The following LARP1B variants were observed in gnomAD, a reference collection of about 807,000 sequenced individuals.
LARP1B encodes la-related protein 1B.
A neutral mutation model predicts 114.2 loss-of-function variants in LARP1B; 76 were observed. The ratio of observed to expected loss-of-function variants is 0.67; its 90% confidence interval spans 0.55 to 0.81. The LOEUF (loss-of-function observed/expected upper bound fraction) is 0.81, where lower values mean the gene tolerates loss of function less well. Among genes scored for constraint, LARP1B ranks in the 30% least tolerant of loss-of-function variants. LARP1B has a pLI of 0.00. For synonymous variants in LARP1B, 345 were observed against 348.0 expected (o/e 0.99, Z 0.10); for missense variants, 1,014 against 1,075.8 (o/e 0.94, Z 0.80).
intron 10 of LARP1B, among the ~76,000 whole-genome samples, chr4:128,118,082 A>AT (rs34699544): frequency 0.037 from 2,803 of 76,766 alleles, 317 homozygotes; most frequent in African/African-American, 0.14. Context: ...GGCCCGGCTA[A>AT]TTTTTTTTTT....
chr4:128,171,717 T>A (rs1196536747), intron 12 of LARP1B, among the ~76,000 whole-genome samples: 2 of 152,202 alleles, frequency 1.3e-5, no homozygotes, highest in Non-Finnish European at 1.5e-5. Flanking sequence ...GTTTTCTTTC[T>A]TCTGAGAATG....
At position 128,162,305 on chromosome 4, in the gene LARP1B, C is replaced by T. The variant is rs768319419; in HGVS notation, c.1636C>T (p.Gln546Ter). The stretch of plus-strand genomic sequence containing the variant: ...CCAAGAAGTTCCTGTAGCACCTTCA[C>T]AGTCCAGGCAAGGTATGTAAATCTG... ...PNQEVPVAPS[Q>*]SRQGGVQGVL... Residue 546 changes from glutamine to a stop codon, truncating the protein, a stop_gained, in exon 12 of 20, where the codon CAG becomes TAG. Transcript: ENST00000326639. LOFTEE classifies it high-confidence loss of function. The T allele has an allele frequency of 1.4e-4, 226 of 1,612,618 alleles. No individual in the cohort carries two copies. The highest frequency in any genetic ancestry group is 1.8e-4 in the Non-Finnish European group (214 of 1,179,136).
chr4:128,170,872 C>CTTTTTTTT (rs70966085), intron 12 of LARP1B, among the ~76,000 whole-genome samples: 1 of 95,016 alleles, frequency 1.1e-5, no homozygotes, highest in African/African-American at 4.0e-5. Flanking sequence ...TTTTTCTTTT[C>CTTTTTTTT]TTTTTTTTTT....
intron 15 of LARP1B, among the ~76,000 whole-genome samples, chr4:128,186,963 C>T (rs1422831520): frequency 2.0e-5 from 3 of 152,176 alleles, no homozygotes; most frequent in African/African-American, 7.2e-5. Context: ...TGGTAGTAAG[C>T]CTGCAGGTGG....
At chr4:128,080,094 C>T (rs1479336600) in intron 4 of LARP1B, among the ~76,000 whole-genome samples, 1 of 151,180 alleles carries the variant, frequency 6.6e-6, no homozygotes, top group Non-Finnish European at 1.5e-5. Context: ...AAGCGATTCT[C>T]CTGCCTCAGC....
At position 128,098,265 on chromosome 4, in the gene LARP1B, A is replaced by T. The variant is rs146471609; in HGVS notation, c.748A>T (p.Ile250Phe). The change falls in exon 8 of 20, where the codon ATT becomes TTT. Residue 250 changes from isoleucine to phenylalanine, a missense_variant. Coordinates refer to ENST00000326639, the MANE Select transcript of LARP1B (RefSeq NM_018078.4). ...GKMDEQGFLP[I>F]SLIAGFQRVQ... ...GATGGATGAACAAGGTTTCTTGCCT[A>T]TTTCCCTGATTGCTGGTTTTCAGCG... 1.2e-6 allele frequency: 2 copies of T among 1,613,734 alleles called. No individual in the cohort carries two copies. Among genetic ancestry groups the T allele is most frequent in the Non-Finnish European group, 1.7e-6 (2 of 1,179,812 alleles).
At chr4:128,084,198 T>C (rs1270473610) in intron 5 of LARP1B, among the ~76,000 whole-genome samples, 1 of 150,650 alleles carries the variant, frequency 6.6e-6, no homozygotes. Flanking sequence ...CAGGCAGAGA[T>C]GCTCCTCACT....
intron 11 of LARP1B, among the ~76,000 whole-genome samples, chr4:128,126,045 A>G (rs1789481261): frequency 6.6e-6 from 1 of 152,204 alleles, no homozygotes. Flanking sequence ...TAATCTAACA[A>G]GAAAGTGAGA....
intron 1 of LARP1B, among the ~76,000 whole-genome samples, chr4:128,062,573 A>G (rs1472559687): frequency 7.3e-6 from 1 of 137,186 alleles, no homozygotes; most frequent in Non-Finnish European, 1.5e-5. Flanking sequence ...AGTGCTTCGT[A>G]TGGGAAAGTT....
intron 16 of LARP1B, among the ~76,000 whole-genome samples, chr4:128,200,178 G>A (rs74693058): frequency 0.018 from 2,670 of 152,318 alleles, 64 homozygotes; most frequent in East Asian, 0.1. Flanking sequence ...GTTAGCATTT[G>A]TCAGCTGTTT....
chr4:128,144,925 G>A (rs1240815177), intron 11 of LARP1B, among the ~76,000 whole-genome samples: 2 of 152,126 alleles, frequency 1.3e-5, no homozygotes, highest in African/African-American at 4.8e-5. Context: ...GAGAGATCTT[G>A]TGATAACATT....
intron 15 of LARP1B, among the ~76,000 whole-genome samples, chr4:128,194,524 TAC>T (rs1753387948): frequency 6.6e-6 from 1 of 151,174 alleles, no homozygotes; most frequent in Admixed American, 6.6e-5. Flanking sequence ...CTGCTAAAAA[TAC>T]ACAAAAATTA....
chr4:128,127,592 G>C (rs888224714), intron 11 of LARP1B, among the ~76,000 whole-genome samples: 1 of 152,174 alleles, frequency 6.6e-6, no homozygotes, highest in South Asian at 2.1e-4. Flanking sequence ...CCAGCACTTC[G>C]GGAGGCCGAG....
In LARP1B at chr4:128,108,008, G is replaced by A. The variant is rs1580483346; in HGVS notation, c.988+695G>A. The A allele has an allele frequency of 3.3e-6, 5 of 1,526,102 alleles. No individual in the cohort carries two copies. In the East Asian group the frequency reaches 1.2e-4, roughly 37 times the overall value. The allele number at this position is 1,526,102 out of a possible 1,614,324, so 94.5% of individuals were successfully genotyped here. On this transcript the variant is annotated intron_variant, in intron 9 of 19. Transcript: ENST00000326639. ...CCTGCTGCAAAAATGAAAGCGATCA[G>A]ACTGTCTTCTGTTCAAGAATGTCTA...
rs145225994 is a variant in LARP1B at position 128,087,853 on chromosome 4, C to CAT, written c.359-3135_359-3134dup. ...ATGATCATACATGTGTGGGGGGGAG[C>CAT]ATATATATATATATGCATATGTATA... is the stretch of plus-strand genomic sequence containing the variant. On this transcript the variant is annotated intron_variant, in intron 5 of 19. Coordinates refer to ENST00000326639, the MANE Select transcript of LARP1B (RefSeq NM_018078.4). Among the ~76,000 whole-genome samples the CAT allele has an allele frequency of 6.2e-3, 932 of 149,290 alleles. 10 individuals are homozygous for CAT. The highest frequency in any genetic ancestry group is 0.021 in the African/African-American group (860 of 40,766).
At chr4:128,158,772 A>G (rs1736991785) in intron 11 of LARP1B, among the ~76,000 whole-genome samples, 1 of 152,212 alleles carries the variant, frequency 6.6e-6, no homozygotes, top group Admixed American at 6.5e-5. Flanking sequence ...TGAGATATTT[A>G]TAGATTCACA....
chr4:128,088,831 T>C (rs951569629), intron 5 of LARP1B, among the ~76,000 whole-genome samples: 2 of 151,538 alleles, frequency 1.3e-5, no homozygotes, highest in Non-Finnish European at 2.9e-5. Flanking sequence ...CTGGACGCAG[T>C]GGTGCACACC....
chr4:128,069,474 C>G (rs911656652), intron 1 of LARP1B: 1 of 755,548 alleles, frequency 1.3e-6, no homozygotes, highest in Non-Finnish European at 2.4e-6. Flanking sequence ...GGCCTTGTAG[C>G]CCAGCTGGTG....
chr4:128,079,283 C>T (rs937909231), intron 4 of LARP1B, among the ~76,000 whole-genome samples: 11 of 151,814 alleles, frequency 7.2e-5, no homozygotes, highest in Admixed American at 1.3e-4. Context: ...TTAGTAGAGA[C>T]GGGGTTTCAC....
Sources: allele counts gnomAD v4.1 joint callset (sites outside exome capture counted in the v4.1 genomes callset), GRCh38; gene constraint gnomAD v4.1.1; transcripts MANE v1.5; gene names NCBI Gene and HGNC (gene_info 2026-07-23, HGNC 2026-07-21).